Variants in IDH2 observed in about 807,000 individuals in gnomAD.
IDH2 encodes the protein isocitrate dehydrogenase (NADP(+)) 2, also known as isocitrate dehydrogenase [NADP], mitochondrial.
Under a neutral mutation model 50.5 loss-of-function variants are expected in IDH2, and 18 were observed. The observed-to-expected ratio is 0.36, with a 90% CI of 0.25 to 0.53. The LOEUF (loss-of-function observed/expected upper bound fraction) is 0.53, where lower values mean the gene tolerates loss of function less well. Ranked by LOEUF, IDH2 falls within the 20% of genes least tolerant of loss-of-function variation. The probability of loss-of-function intolerance (pLI) is 0.92; values close to 1 mark genes in which losing one functional copy is unlikely to be tolerated. For synonymous variants in IDH2, 280 were observed against 239.8 expected (o/e 1.17, Z -1.55); for missense variants, 518 against 610.7 (o/e 0.85, Z 1.60).
chr15:90,097,210 T>C (rs1901205346), intron 1 of IDH2, among the ~76,000 whole-genome samples: 2 of 152,200 alleles, frequency 1.3e-5, no homozygotes, highest in African/African-American at 4.8e-5. Flanking sequence ...AATAGGTGAG[T>C]ACAGTACAGT....
At chr15:90,086,365 C>G (rs1212391321) in intron 7 of IDH2, among the ~76,000 whole-genome samples, 2 of 152,172 alleles carry the variant, frequency 1.3e-5, no homozygotes, top group Non-Finnish European at 2.9e-5. Context: ...CTGTTCTTCT[C>G]TAATGGTCTC....
intron 1 of IDH2, among the ~76,000 whole-genome samples, chr15:90,096,831 A>G (rs964561932): frequency 3.3e-5 from 5 of 151,762 alleles, no homozygotes; most frequent in African/African-American, 9.7e-5. Context: ...GGAGAATGGC[A>G]TGAACCCGGG....
In IDH2 at chr15:90,094,832, G is replaced by A. The variant is rs1596078798; in HGVS notation, c.116-3188C>T. Among the ~76,000 whole-genome samples, 6 of 152,262 alleles carry A rather than the reference G, an allele frequency of 3.9e-5. No individual in the cohort carries two copies. The Middle Eastern group carries it at 0.02, about 518-fold the overall frequency. ...CAGGAGAATCGCTTGAACCCGGGAG[G>A]TGGAGGTTGCAGTAAGCCAAGATCA... On this transcript the variant is annotated intron_variant, in intron 1 of 10. Coordinates refer to ENST00000330062, the MANE Select transcript of IDH2 (RefSeq NM_002168.4).
At chr15:90,092,854 C>G (rs1210694457) in intron 1 of IDH2, among the ~76,000 whole-genome samples, 1 of 152,244 alleles carries the variant, frequency 6.6e-6, no homozygotes, top group African/African-American at 2.4e-5. Context: ...GCTGGGATTA[C>G]AGGCGTGAGC....
At position 90,095,770 on chromosome 15, in the gene IDH2, A is replaced by G. The variant is rs930237101; in HGVS notation, c.116-4126T>C. Among the ~76,000 whole-genome samples the G allele has an allele frequency of 2.6e-5, 4 of 152,344 alleles. No homozygotes were observed. The East Asian group carries it at 5.8e-4, about 22-fold the overall frequency. On this transcript the variant is annotated intron_variant, in intron 1 of 10. Coordinates refer to ENST00000330062, the MANE Select transcript of IDH2 (RefSeq NM_002168.4). ...CGGAGGCAGTGAATGTGGAAGGGGA[A>G]ACCTACAGGTAACAGAGAGAGAGCA...
chr15:90,102,418 C>T lies in IDH2; in HGVS notation c.-28G>A, dbSNP rs528231909. 8 of 1,218,158 alleles carry T rather than the reference C, an allele frequency of 6.6e-6. No homozygotes were observed. The Admixed American group carries it at 2.8e-4, about 42-fold the overall frequency. The allele number at this position is 1,218,158 out of a possible 1,614,324, so 75.5% of individuals were successfully genotyped here. ...CAAGCTGGAGAGCGAACGAGCAGGG[C>T]GGGAGAGGTCCGAGCGCGCGCCGCT... On this transcript the variant is annotated 5_prime_UTR_variant, in exon 1 of 11. Transcript: ENST00000330062.
chr15:90,102,249 T>C, intron 1 of IDH2, 27 bp downstream of exon 1: 12 of 1,069,294 alleles, frequency 1.1e-5, no homozygotes, highest in Non-Finnish European at 1.4e-5. Context: ...GGCGCGCGCC[T>C]GCCTGGACCC....
chr15:90,095,297 C>T (rs1472659624), intron 1 of IDH2, among the ~76,000 whole-genome samples: 1 of 152,060 alleles, frequency 6.6e-6, no homozygotes, highest in African/African-American at 2.4e-5. Flanking sequence ...TACTGCCTTT[C>T]CCAAGACGCG....
chr15:90,099,570 T>C (rs1379609809), intron 1 of IDH2, among the ~76,000 whole-genome samples: 1 of 152,206 alleles, frequency 6.6e-6, no homozygotes, highest in Non-Finnish European at 1.5e-5. Context: ...TGGGCTCAAA[T>C]GATCCTCCTG....
At position 90,083,921 on chromosome 15, in the gene IDH2, G is replaced by GGCCTCT. The variant is rs535233898; in HGVS notation, c.*339_*344dup. 92 of 423,082 alleles carry GGCCTCT rather than the reference G, an allele frequency of 2.2e-4. No individual in the cohort carries two copies. The East Asian group carries it at 2.9e-3, about 13-fold the overall frequency. 26.2% of individuals were successfully genotyped at this position (423,082 alleles called of 1,614,324 possible). A position where few individuals can be genotyped will look rare whatever the true frequency, so the allele number is the denominator to read the frequency against. The stretch of plus-strand genomic sequence containing the variant: ...CAGGGGAACCTGCCAGCTCTAGCAG[G>GGCCTCT]GCCTCTGCCTCAGGGTCCCACTACC... On this transcript the variant is annotated 3_prime_UTR_variant, in exon 11 of 11. Coordinates refer to ENST00000330062, the MANE Select transcript of IDH2 (RefSeq NM_002168.4).
Position 90,088,647 on chromosome 15 carries a change from T to C in IDH2, c.474A>G (p.Pro158=). The C allele has an allele frequency of 6.2e-7, 1 of 1,614,122 alleles. No homozygotes were observed. Among genetic ancestry groups the C allele is most frequent in the Non-Finnish European group, 8.5e-7 (1 of 1,180,022 alleles). Residue 158 remains proline, a synonymous_variant, in exon 4 of 11, where the codon CCA becomes CCG. Coordinates refer to ENST00000330062, the MANE Select transcript of IDH2 (RefSeq NM_002168.4). ...GCTTGGTCCAGCCAGGGACTAGGCG[T>C]GGGATGTTTTTGCAGATGATGGGCT... ...FREPIICKNI[P]RLVPGWTKPI...
rs1280950562 is a variant in IDH2 at position 90,090,496 on chromosome 15, T to A, written c.356A>T (p.Asp119Val). The A allele has an allele frequency of 6.2e-7, 1 of 1,613,664 alleles. No individual in the cohort carries two copies. Among genetic ancestry groups the A allele is most frequent in the Non-Finnish European group, 8.5e-7 (1 of 1,180,000 alleles). ...VAVKCATITP[D>V]EARVEEFKLK... ...CCTCGCACCTTCCACACGGGCCTCA[T>A]CAGGGGTGATGGTGGCACACTTGAC... The change falls in exon 3 of 11, where the codon GAT (aspartate) becomes GTT (valine). Residue 119 changes from aspartate to valine, a missense_variant. By Grantham distance (152) the Asp-to-Val change is radical. This residue lies in a region of IDH2 where 68 missense variants were observed against 109.7 expected (regional missense o/e 0.62). Transcript: ENST00000330062.
chr15:90,090,073 A>G (rs545536533), intron 3 of IDH2, among the ~76,000 whole-genome samples: 1 of 116,462 alleles, frequency 8.6e-6, no homozygotes, highest in African/African-American at 3.7e-5. Flanking sequence ...CTGTGACCAC[A>G]TCAGCATTAC....
In IDH2 at chr15:90,093,014, G is replaced by A. The variant is rs573987747; in HGVS notation, c.116-1370C>T. ...GCCCAGCCCACCAGTGGCCAAGAGG[G>A]TGGGGGCCAGTCTGGCCTGTCAGAC... On this transcript the variant is annotated intron_variant, in intron 1 of 10. Coordinates refer to ENST00000330062, the MANE Select transcript of IDH2 (RefSeq NM_002168.4). Among the ~76,000 whole-genome samples the A allele has an allele frequency of 3.3e-5, 5 of 152,356 alleles. No homozygotes were observed. In the South Asian group the frequency reaches 1.0e-3, roughly 32 times the overall value.
chr15:90,084,493 C>A lies in IDH2; in HGVS notation c.1272-140G>T, dbSNP rs1290278401. 6 of 784,392 alleles carry A rather than the reference C, an allele frequency of 7.6e-6. No individual in the cohort carries two copies. In the East Asian group the frequency reaches 1.1e-4, roughly 14 times the overall value. 48.6% of individuals were successfully genotyped at this position (784,392 alleles called of 1,614,324 possible). On this transcript the variant is annotated intron_variant, in intron 10 of 10. Coordinates refer to ENST00000330062, the MANE Select transcript of IDH2 (RefSeq NM_002168.4). The surrounding 1 kb of genome is among the most constrained non-coding windows in gnomAD (Gnocchi z 5.0). Reference sequence around the variant, plus strand: ...ACCCAGACTACAGGCCAGAGGCCAGCTATAGCCCCCTACCATGAGGCCACC... The same window carrying A: ...ACCCAGACTACAGGCCAGAGGCCAGATATAGCCCCCTACCATGAGGCCACC...
rs2151555867 is a variant in IDH2 at position 90,098,664 on chromosome 15, C to A, written c.115+3612G>T. ...GGTTCAGGCAATTCTCCTGCCTCAG[C>A]CCCTGAGTAGCTGGGACTACAGGCG... On this transcript the variant is annotated intron_variant, in intron 1 of 10. Transcript: ENST00000330062. The surrounding 1 kb of genome is among the most constrained non-coding windows in gnomAD (Gnocchi z 5.1). Among the ~76,000 whole-genome samples the A allele has an allele frequency of 7.6e-6, 1 of 131,176 alleles. No individual in the cohort carries two copies. The highest frequency in any genetic ancestry group is 2.5e-4 in the South Asian group (1 of 4,004). The allele number at this position is 131,176 out of a possible 152,430, so 86.1% of individuals were successfully genotyped here.
chr15:90,092,179 A>T (rs776156424), intron 1 of IDH2, among the ~76,000 whole-genome samples: 47 of 152,184 alleles, frequency 3.1e-4, no homozygotes, highest in African/African-American at 1.0e-3. Context: ...AATAGAAATA[A>T]AGTGCACAAT....
chr15:90,095,710 G>A (rs1272986033), intron 1 of IDH2, among the ~76,000 whole-genome samples: 3 of 152,182 alleles, frequency 2.0e-5, no homozygotes, highest in Non-Finnish European at 2.9e-5. Flanking sequence ...ACCCCACTGG[G>A]ATACTGAAAT....
At chr15:90,096,161 G>A (rs1202942210) in intron 1 of IDH2, among the ~76,000 whole-genome samples, 2 of 152,260 alleles carry the variant, frequency 1.3e-5, no homozygotes, top group East Asian at 1.9e-4. Context: ...TTAGCCTGGT[G>A]TGGTGACACA....
Sources: gnomAD v4.1 joint callset for allele counts (sites outside exome capture counted in the v4.1 genomes callset) on GRCh38, gnomAD v4.1.1 for gene constraint, gnomAD v4.1.1 regional missense constraint, Gnocchi (gnomAD v3.1) non-coding constraint, MANE v1.5 for transcripts, NCBI Gene and HGNC (gene_info 2026-07-23, HGNC 2026-07-21) for gene names.